Variants in STPG2 observed in about 807,000 individuals in gnomAD.
The protein encoded by STPG2 is sperm-tail PG-rich repeat-containing protein 2.
In STPG2, 56 loss-of-function variants were observed where a neutral mutation model predicts 54.2. The ratio of observed to expected loss-of-function variants is 1.03; its 90% confidence interval spans 0.83 to 1.29. The LOEUF (loss-of-function observed/expected upper bound fraction) is 1.29. Among genes scored for constraint, STPG2 ranks in the 50% most tolerant of loss-of-function variants. The pLI, the probability that STPG2 is intolerant of heterozygous loss-of-function variation, is 0.00. For synonymous variants in STPG2, 200 were observed against 181.8 expected, an observed-to-expected ratio of 1.10 and a Z score of -0.81; for missense variants, 596 against 544.9, an observed-to-expected ratio of 1.09 and a Z score of -0.93.
intron 5 of STPG2, among the ~76,000 whole-genome samples, chr4:98,003,789 C>T (rs1169249565): frequency 1.3e-5 from 2 of 152,006 alleles, no homozygotes; most frequent in African/African-American, 4.8e-5. Context: ...ATACTTTTCA[C>T]TTTTTGTTTC....
intron 7 of STPG2, among the ~76,000 whole-genome samples, chr4:97,968,801 T>A (rs1734211031): frequency 6.6e-6 from 1 of 152,204 alleles, no homozygotes; most frequent in South Asian, 2.1e-4. Flanking sequence ...TGCAACTGAT[T>A]ATTGTAAATA....
At chr4:97,838,537 C>T (rs547147667) in intron 9 of STPG2, among the ~76,000 whole-genome samples, 10 of 150,578 alleles carry the variant, frequency 6.6e-5, no homozygotes, top group East Asian at 1.9e-4. Context: ...TCAAAAAAAA[C>T]GTAAAACTCT....
At chr4:97,974,252 T>C (rs925007918) in intron 6 of STPG2, among the ~76,000 whole-genome samples, 3 of 152,198 alleles carry the variant, frequency 2.0e-5, no homozygotes, top group African/African-American at 7.2e-5. Flanking sequence ...CCACTTGGAA[T>C]GGGTGTGTTT....
intron 7 of STPG2, among the ~76,000 whole-genome samples, chr4:97,954,623 T>C (rs890083831): frequency 5.9e-5 from 9 of 152,210 alleles, no homozygotes; most frequent in African/African-American, 1.7e-4. Context: ...CCCATAGTAC[T>C]ACACTTAAGA....
rs139448806 is a variant in STPG2, at chr4:97,632,043, T to C, written c.1321-72926A>G. ...TAAAGTATATCACATAGATTTAGTC[T>C]ATATTCAAAAGAGATAAACATTAAA... is the stretch of plus-strand genomic sequence containing the variant. On this transcript the variant is annotated intron_variant, in intron 10 of 10. Transcript: ENST00000295268. Among the ~76,000 whole-genome samples, 87 of 152,180 alleles carry C rather than the reference T, an allele frequency of 5.7e-4. No individual in the cohort carries two copies. In the East Asian group the frequency reaches 8.5e-3, roughly 15 times the overall value.
intron 8 of STPG2, among the ~76,000 whole-genome samples, chr4:97,938,779 T>C (rs1732859659): frequency 6.6e-6 from 1 of 152,088 alleles, no homozygotes; most frequent in Non-Finnish European, 1.5e-5. Context: ...CCATTGGTCA[T>C]GCGAACCACC....
chr4:97,542,185 T>C (rs767242993), intron 4 of STPG2, among the ~76,000 whole-genome samples: 13 of 152,026 alleles, frequency 8.6e-5, no homozygotes, highest in Non-Finnish European at 1.3e-4. Context: ...AACAGGCAAC[T>C]TACAGAATGG....
chr4:98,009,953 G>A (rs1337577401), intron 5 of STPG2, among the ~76,000 whole-genome samples: 1 of 151,794 alleles, frequency 6.6e-6, no homozygotes, highest in Non-Finnish European at 1.5e-5. Flanking sequence ...CAGTTGTTAT[G>A]TCTTTTTCAT....
chr4:97,555,053 C>CA (rs1732046597), downstream of STPG2, among the ~76,000 whole-genome samples: 3 of 152,134 alleles, frequency 2.0e-5, no homozygotes, highest in East Asian at 3.9e-4. Flanking sequence ...CTCTCTAAAG[C>CA]AAAAAATCAC....
intron 5 of STPG2, among the ~76,000 whole-genome samples, chr4:98,058,400 G>T (rs550099398): frequency 6.6e-6 from 1 of 152,096 alleles, no homozygotes; most frequent in African/African-American, 2.4e-5. Context: ...AAGAAAGCAG[G>T]GGTTGCAATC....
At chr4:97,652,599 C>T (rs1722102396) in intron 10 of STPG2, among the ~76,000 whole-genome samples, 1 of 151,846 alleles carries the variant, frequency 6.6e-6, no homozygotes, top group Non-Finnish European at 1.5e-5. Context: ...TCATTCTTAG[C>T]ACTGTACACT....
At chr4:97,473,115 T>A (rs1347579161) in intron 4 of STPG2, among the ~76,000 whole-genome samples, 1 of 151,980 alleles carries the variant, frequency 6.6e-6, no homozygotes, top group East Asian at 1.9e-4. Context: ...GACCCTGTGA[T>A]AATTGCGTTA....
intron 10 of STPG2, among the ~76,000 whole-genome samples, chr4:97,706,765 C>A (rs1238589055): frequency 1.3e-5 from 2 of 152,126 alleles, no homozygotes. Flanking sequence ...TTATGAAAGT[C>A]ATTGATGAGC....
intron 4 of STPG2, among the ~76,000 whole-genome samples, chr4:98,107,024 C>T (rs1739207604): frequency 1.3e-5 from 2 of 152,142 alleles, no homozygotes; most frequent in Admixed American, 1.3e-4. Flanking sequence ...ATTTAATATG[C>T]ACTTACCATC....
At chr4:97,970,016 CA>C (rs1433654555) in intron 7 of STPG2, among the ~76,000 whole-genome samples, 2 of 152,156 alleles carry the variant, frequency 1.3e-5, no homozygotes, top group Non-Finnish European at 2.9e-5. Flanking sequence ...ACACCAATAA[CA>C]GACAAACAGA....
chr4:97,692,424 G>A (rs1028859958), intron 10 of STPG2, among the ~76,000 whole-genome samples: 7 of 151,384 alleles, frequency 4.6e-5, no homozygotes, highest in African/African-American at 4.9e-5. Context: ...CAATAGAATC[G>A]AACAAGAAAA....
intron 7 of STPG2, among the ~76,000 whole-genome samples, chr4:97,950,870 A>T (rs1271000136): frequency 6.6e-6 from 1 of 152,180 alleles, no homozygotes; most frequent in Non-Finnish European, 1.5e-5. Context: ...TAGCCACAAG[A>T]TTAGAAATTA....
chr4:97,784,426 T>C (rs1044349643), intron 9 of STPG2, among the ~76,000 whole-genome samples: 1 of 152,084 alleles, frequency 6.6e-6, no homozygotes, highest in East Asian at 1.9e-4. Context: ...GATCTGAATA[T>C]GGTGTTTATC....
Position 97,505,343 on chromosome 4 carries a change from A to G in STPG2, c.462+207356T>C, listed in dbSNP as rs1730821256. On this transcript the variant is annotated intron_variant, in intron 4 of 4. Coordinates refer to the STPG2 transcript ENST00000522676. Reference sequence around the variant, plus strand: ...CCAATAATGAACAACTTCAGCAAATATGTACTTTTTAAGAAACTTAGTTTA... The same window carrying G: ...CCAATAATGAACAACTTCAGCAAATGTGTACTTTTTAAGAAACTTAGTTTA... Among the ~76,000 whole-genome samples, 4 of 151,998 alleles carry G rather than the reference A, an allele frequency of 2.6e-5. No homozygotes were observed. The South Asian group carries it at 8.3e-4, about 32-fold the overall frequency.
Sources: gnomAD v4.1 joint callset for allele counts (sites outside exome capture counted in the v4.1 genomes callset) on GRCh38, gnomAD v4.1.1 for gene constraint, MANE v1.5 for transcripts, NCBI Gene and HGNC (gene_info 2026-07-23, HGNC 2026-07-21) for gene names.